Variants in COX10 observed in about 807,000 individuals in gnomAD.
COX10 encodes protoheme IX farnesyltransferase, mitochondrial.
In COX10, 27 loss-of-function variants were observed where a neutral mutation model predicts 37.3. The ratio of observed to expected loss-of-function variants is 0.72; its 90% CI spans 0.53 to 1.00. COX10 has a LOEUF of 1.00. Ranked by LOEUF, COX10 falls within the 50% of genes least tolerant of loss-of-function variation. The pLI, the probability that COX10 is intolerant of heterozygous loss-of-function variation, is 0.00. For synonymous variants in COX10, 222 were observed against 229.1 expected, an observed-to-expected ratio of 0.97 and a Z score of 0.28; for missense variants, 475 against 563.2, an observed-to-expected ratio of 0.84 and a Z score of 1.59.
rs397832513 is a variant in COX10, at chr17:14,189,660, G to A, written c.696-2329G>A. On this transcript the variant is annotated intron_variant, in intron 5 of 6. Transcript: ENST00000261643. Reference sequence around the variant, plus strand: ...CAAGTTAGTATGAGTTTATTTTGGTGCAAAAAATTTTTGAAATCCATGCAT... The same window carrying A: ...CAAGTTAGTATGAGTTTATTTTGGTACAAAAAATTTTTGAAATCCATGCAT... 7.9e-5 allele frequency among the ~76,000 whole-genome samples: 12 copies of A among 152,244 alleles called. No individual in the cohort carries two copies. In the East Asian group the frequency reaches 1.7e-3, roughly 22 times the overall value.
intron 5 of COX10, among the ~76,000 whole-genome samples, chr17:14,186,812 G>A (rs1184990105): frequency 2.6e-5 from 4 of 152,202 alleles, no homozygotes; most frequent in East Asian, 3.9e-4. Flanking sequence ...TCAGCAAGTT[G>A]TATTACACCA....
At chr17:14,076,396 T>C (rs1915152380) in intron 2 of COX10, among the ~76,000 whole-genome samples, 2 of 152,044 alleles carry the variant, frequency 1.3e-5, no homozygotes, top group Admixed American at 1.3e-4. Flanking sequence ...TATTGAAAAC[T>C]TTTTTATTGT....
chr17:14,092,299 A>G (rs1225146812), intron 3 of COX10, among the ~76,000 whole-genome samples: 2 of 152,142 alleles, frequency 1.3e-5, no homozygotes, highest in East Asian at 1.9e-4. Flanking sequence ...ACCATACTTA[A>G]ATGCTTCATT....
chr17:14,179,619 C>G (rs955139090), intron 5 of COX10, among the ~76,000 whole-genome samples: 2 of 152,216 alleles, frequency 1.3e-5, no homozygotes, highest in African/African-American at 4.8e-5. Flanking sequence ...AGAAGAAGGA[C>G]AGAGTGGACA....
intron 6 of COX10, among the ~76,000 whole-genome samples, chr17:14,203,908 A>T (rs1334351912): frequency 6.6e-6 from 1 of 152,112 alleles, no homozygotes; most frequent in East Asian, 1.9e-4. Flanking sequence ...TCCAGGGCAG[A>T]TGACACAGAG....
intron 4 of COX10, among the ~76,000 whole-genome samples, chr17:14,121,707 TAAATG>T (rs991299830): frequency 6.6e-6 from 1 of 152,160 alleles, no homozygotes; most frequent in African/African-American, 2.4e-5. Flanking sequence ...TATACATAAA[TAAATG>T]CAGTTTAATT....
At chr17:14,175,352 A>G (rs966768074) in intron 5 of COX10, among the ~76,000 whole-genome samples, 8 of 151,852 alleles carry the variant, frequency 5.3e-5, no homozygotes, top group African/African-American at 1.7e-4. Context: ...TTGGGGTCCG[A>G]CTGCCTGGAA....
chr17:14,191,627 C>T (rs1906203141), intron 5 of COX10, among the ~76,000 whole-genome samples: 1 of 152,158 alleles, frequency 6.6e-6, no homozygotes, highest in South Asian at 2.1e-4. Flanking sequence ...CTCAGTCAGT[C>T]TTCAACCCTA....
intron 4 of COX10, among the ~76,000 whole-genome samples, chr17:14,158,756 C>T (rs1425122133): frequency 6.6e-6 from 1 of 152,092 alleles, no homozygotes; most frequent in Non-Finnish European, 1.5e-5. Flanking sequence ...TATGATTTGA[C>T]CATAGAGTCG....
rs75434146 is a variant in COX10 at position 14,091,816 on chromosome 17, G to T, written c.500-10302G>T. Among the ~76,000 whole-genome samples the T allele has an allele frequency of 5.3e-3, 801 of 152,190 alleles. 7 individuals are homozygous for T. The highest frequency in any genetic ancestry group is 0.019 in the African/African-American group (772 of 41,522). On this transcript the variant is annotated intron_variant, in intron 3 of 6. Transcript: ENST00000261643. ...TAAGTGTTTATCTTGTACAATATCT[G>T]CTCTCTGGATAAACACAGTTGTAAT... is the stretch of plus-strand genomic sequence containing the variant.
chr17:14,190,059 G>C (rs993674530), intron 5 of COX10, among the ~76,000 whole-genome samples: 17 of 152,278 alleles, frequency 1.1e-4, no homozygotes, highest in African/African-American at 4.1e-4. Context: ...TGGGAGGAAG[G>C]AAGTAAATCT....
intron 4 of COX10, among the ~76,000 whole-genome samples, chr17:14,146,600 C>G (rs527686192): frequency 1.3e-5 from 2 of 152,144 alleles, no homozygotes; most frequent in Admixed American, 1.3e-4. Context: ...TTGAGTAATA[C>G]CCCACAAACA....
At chr17:14,166,151 TAG>T in intron 5 of COX10, among the ~76,000 whole-genome samples, 1 of 152,332 alleles carries the variant, frequency 6.6e-6, no homozygotes. Context: ...CACTGAACAA[TAG>T]AGTTTTCATA....
chr17:14,203,869 C>G lies in COX10; in HGVS notation c.929-2941C>G, dbSNP rs189743235. Among the ~76,000 whole-genome samples, 11 of 152,266 alleles carry G rather than the reference C, an allele frequency of 7.2e-5. 1 individual carries two copies. The highest frequency in any genetic ancestry group is 2.6e-4 in the African/African-American group (11 of 41,554). On this transcript the variant is annotated intron_variant, in intron 6 of 6. Transcript: ENST00000261643. ...AGGACTGTGGTTACAAATTCTCAAC[C>G]TCTTCTCTCCCTGGGCAGGATGGTG...
intron 4 of COX10, among the ~76,000 whole-genome samples, chr17:14,136,069 G>A (rs796370915): frequency 1.1e-4 from 16 of 152,100 alleles, no homozygotes; most frequent in Non-Finnish European, 2.4e-4. Flanking sequence ...CAAAGAAAAT[G>A]TAAAGGTGAT....
At chr17:14,138,378 A>T (rs576712671) in intron 4 of COX10, among the ~76,000 whole-genome samples, 219 of 152,322 alleles carry the variant, frequency 1.4e-3, no homozygotes, top group African/African-American at 4.9e-3. Flanking sequence ...TGTATCTGGT[A>T]CATTATAAGC....
At chr17:14,145,136 A>G (rs1297554329) in intron 4 of COX10, among the ~76,000 whole-genome samples, 1 of 148,476 alleles carries the variant, frequency 6.7e-6, no homozygotes, top group Non-Finnish European at 1.5e-5. Flanking sequence ...TCAGTGTTCA[A>G]TAAAGTAGAA....
At chr17:14,094,970 G>A (rs1378607345) in intron 3 of COX10, among the ~76,000 whole-genome samples, 1 of 152,158 alleles carries the variant, frequency 6.6e-6, no homozygotes, top group Non-Finnish European at 1.5e-5. Flanking sequence ...TGTAGGAATA[G>A]TGGGATTTGC....
At chr17:14,144,915 C>G (rs1243780864) in intron 4 of COX10, among the ~76,000 whole-genome samples, 3 of 151,828 alleles carry the variant, frequency 2.0e-5, no homozygotes, top group African/African-American at 7.3e-5. Flanking sequence ...CAAAACTGAG[C>G]ACAGTTAGGT....
Sources: allele counts gnomAD v4.1 joint callset (sites outside exome capture counted in the v4.1 genomes callset), GRCh38; gene constraint gnomAD v4.1.1; transcripts MANE v1.5; gene names NCBI Gene and HGNC (gene_info 2026-07-23, HGNC 2026-07-21).